The following UNC13C variants were observed in gnomAD, a reference collection of about 807,000 sequenced individuals.
UNC13C encodes protein unc-13 homolog C.
In UNC13C, 174 loss-of-function variants were observed where a neutral mutation model predicts 245.4. That is an observed-to-expected ratio of 0.71 (90% CI 0.63 to 0.80). The LOEUF (loss-of-function observed/expected upper bound fraction) is 0.80. Ranked by LOEUF, UNC13C falls within the 30% of genes least tolerant of loss-of-function variation. The probability of loss-of-function intolerance (pLI) is 0.00; values close to 1 mark genes in which losing one functional copy is unlikely to be tolerated. For synonymous variants in UNC13C, 992 were observed against 895.1 expected, an observed-to-expected ratio of 1.11 and a Z score of -1.93; for missense variants, 2,829 against 2,602.9, an observed-to-expected ratio of 1.09 and a Z score of -1.89.
intron 14 of UNC13C, among the ~76,000 whole-genome samples, chr15:54,326,248 G>A (rs1462018166): frequency 6.6e-6 from 1 of 152,032 alleles, no homozygotes; most frequent in African/African-American, 2.4e-5. Flanking sequence ...ACAAAACAAT[G>A]GGCTGTGAAA....
At chr15:54,201,793 A>G (rs12442927) in intron 4 of UNC13C, among the ~76,000 whole-genome samples, 25,177 of 151,978 alleles carry the variant, frequency 0.17, 2,631 homozygotes, top group East Asian at 0.24. Flanking sequence ...TATTCAATAT[A>G]GTACTGAAAG....
At chr15:54,175,088 C>T (rs560423849) in intron 4 of UNC13C, among the ~76,000 whole-genome samples, 32 of 152,224 alleles carry the variant, frequency 2.1e-4, no homozygotes, top group African/African-American at 7.2e-4. Flanking sequence ...CTTAATTCCC[C>T]AGCCTTTGGC....
At chr15:53,992,511 G>C (rs1894437229) in intron 1 of UNC13C, among the ~76,000 whole-genome samples, 3 of 152,156 alleles carry the variant, frequency 2.0e-5, no homozygotes, top group African/African-American at 7.2e-5. Context: ...AAGAAGGAGA[G>C]GGTGACTTTT....
chr15:54,507,806 G>A (rs1256601921), intron 23 of UNC13C, among the ~76,000 whole-genome samples: 1 of 150,674 alleles, frequency 6.6e-6, no homozygotes, highest in Non-Finnish European at 1.5e-5. Context: ...AATATTAGGA[G>A]AAATACATTG....
chr15:54,131,308 G>A (rs1050944581), intron 2 of UNC13C, among the ~76,000 whole-genome samples: 1 of 152,086 alleles, frequency 6.6e-6, no homozygotes, highest in Non-Finnish European at 1.5e-5. Context: ...TTTTGATTGT[G>A]TTATATGTCA....
chr15:54,169,263 T>C (rs1413175234), intron 4 of UNC13C, among the ~76,000 whole-genome samples: 6 of 152,254 alleles, frequency 3.9e-5, no homozygotes, highest in African/African-American at 1.4e-4. Context: ...GCCTATTTGA[T>C]AGAAATGCAT....
At chr15:54,330,772 G>A (rs2038416276) in intron 14 of UNC13C, among the ~76,000 whole-genome samples, 1 of 152,018 alleles carries the variant, frequency 6.6e-6, no homozygotes, top group South Asian at 2.1e-4. Flanking sequence ...ATAATGGAGA[G>A]TGGCAGAGAA....
At position 54,521,270 on chromosome 15, in the gene UNC13C, T is replaced by C. The variant is rs756311220; in HGVS notation, c.5458-4279T>C. Among the ~76,000 whole-genome samples, 24 of 152,126 alleles carry C rather than the reference T, an allele frequency of 1.6e-4. 1 individual carries two copies. The highest frequency in any genetic ancestry group is 9.2e-4 in the Admixed American group (14 of 15,290). On this transcript the variant is annotated intron_variant, in intron 24 of 32. Coordinates refer to ENST00000260323, the MANE Select transcript of UNC13C (RefSeq NM_001080534.3). ...CCAGGAAGTTACCTTCCTTCCTGAT[T>C]TGCACTTCTTTACAGAAAATAACCG...
chr15:54,628,781 G>T (rs1387858341), downstream of UNC13C: 3 of 151,244 alleles, frequency 2.0e-5, no homozygotes, highest in Non-Finnish European at 4.4e-5. Flanking sequence ...AAAAATAACA[G>T]ATGCTGGCGA....
At chr15:54,059,777 C>T (rs1897721083) in intron 2 of UNC13C, among the ~76,000 whole-genome samples, 1 of 152,076 alleles carries the variant, frequency 6.6e-6, no homozygotes, top group Non-Finnish European at 1.5e-5. Context: ...AGATATAGAC[C>T]AATGGAACAG....
chr15:54,594,478 ACT>A (rs1898963155), intron 30 of UNC13C, among the ~76,000 whole-genome samples: 1 of 150,528 alleles, frequency 6.6e-6, no homozygotes, highest in South Asian at 2.1e-4. Context: ...TGAGCTCAAG[ACT>A]CTCCTTGGGC....
chr15:54,450,122 C>T (rs1596395575), intron 19 of UNC13C, among the ~76,000 whole-genome samples: 1 of 152,250 alleles, frequency 6.6e-6, no homozygotes, highest in African/African-American at 2.4e-5. Context: ...CCTGATCGTT[C>T]CTCTGGAAGT....
chr15:53,839,775 G>T, the UNC13C span, among the ~76,000 whole-genome samples: 1 of 151,488 alleles, frequency 6.6e-6, no homozygotes, highest in Non-Finnish European at 1.5e-5. Context: ...ATTGATCATT[G>T]TTGCTCTGTT....
intron 2 of UNC13C, among the ~76,000 whole-genome samples, chr15:54,057,632 C>A (rs1897597029): frequency 1.3e-5 from 2 of 152,208 alleles, no homozygotes; most frequent in Admixed American, 6.5e-5. Context: ...CTACAGAGCT[C>A]TCCACCCCAA....
chr15:54,618,570 G>GTTCAAC (rs150634718), intron 30 of UNC13C, among the ~76,000 whole-genome samples: 117,309 of 151,340 alleles, frequency 0.78, 46,287 homozygotes, highest in African/African-American at 0.94. Flanking sequence ...GATATCCTGT[G>GTTCAAC]TTCAAAGTGC....
At chr15:54,198,669 C>T (rs770505007) in intron 4 of UNC13C, among the ~76,000 whole-genome samples, 4 of 152,092 alleles carry the variant, frequency 2.6e-5, no homozygotes, top group Admixed American at 2.0e-4. Flanking sequence ...AGGAGAGCAC[C>T]ACATCAAGGG....
intron 30 of UNC13C, among the ~76,000 whole-genome samples, chr15:54,577,690 A>G (rs959950965): frequency 1.3e-5 from 2 of 151,934 alleles, no homozygotes; most frequent in Non-Finnish European, 2.9e-5. Flanking sequence ...TCCTCCCCTC[A>G]TGGTTTACCG....
At chr15:54,569,814 T>A (rs913035868) in intron 30 of UNC13C, among the ~76,000 whole-genome samples, 18 of 152,084 alleles carry the variant, frequency 1.2e-4, no homozygotes, top group Non-Finnish European at 2.5e-4. Context: ...TTTTTTCAGA[T>A]AACTGAAATT....
chr15:54,458,872 G>T (rs1368861217), intron 19 of UNC13C, among the ~76,000 whole-genome samples: 1 of 151,614 alleles, frequency 6.6e-6, no homozygotes, highest in Non-Finnish European at 1.5e-5. Context: ...TATCTTTTTA[G>T]TGGAGCATTT....
Sources: gnomAD v4.1 joint callset for allele counts (sites outside exome capture counted in the v4.1 genomes callset) on GRCh38, gnomAD v4.1.1 for gene constraint, MANE v1.5 for transcripts, NCBI Gene and HGNC (gene_info 2026-07-23, HGNC 2026-07-21) for gene names.